Variants in TENM4 observed in about 807,000 individuals in gnomAD.
TENM4 encodes the protein teneurin-4.
In TENM4, 82 loss-of-function variants were observed where a neutral mutation model predicts 243.3. That is an observed-to-expected ratio of 0.34 (90% confidence interval 0.28 to 0.40). TENM4 has a LOEUF of 0.40. Among genes scored for constraint, TENM4 ranks in the 10% least tolerant of loss-of-function variants. TENM4 has a pLI of 1.00. For synonymous variants in TENM4, 1,412 were observed against 1,456.3 expected, an observed-to-expected ratio of 0.97 and a Z score of 0.69; for missense variants, 3,138 against 3,673.3, an observed-to-expected ratio of 0.85 and a Z score of 3.77.
chr11:78,992,820 C>A (rs1317977283), intron 6 of TENM4, among the ~76,000 whole-genome samples: 1 of 152,146 alleles, frequency 6.6e-6, no homozygotes, highest in Non-Finnish European at 1.5e-5. Flanking sequence ...TTGCCCTTTG[C>A]TTTTCTCATT....
chr11:79,385,908 C>CT, intron 1 of TENM4, among the ~76,000 whole-genome samples: 1 of 152,288 alleles, frequency 6.6e-6, no homozygotes, highest in Admixed American at 6.5e-5. Flanking sequence ...CCATTTGAGA[C>CT]TTTGAGTACC....
intron 2 of TENM4, among the ~76,000 whole-genome samples, chr11:79,265,013 C>A (rs1212835313): frequency 1.3e-5 from 2 of 152,170 alleles, no homozygotes; most frequent in Non-Finnish European, 2.9e-5. Context: ...AGGTGTTCAG[C>A]TGCCTGTAGA....
intron 15 of TENM4, among the ~76,000 whole-genome samples, chr11:78,797,523 G>C (rs189498729): frequency 1.3e-5 from 2 of 152,340 alleles, no homozygotes; most frequent in African/African-American, 4.8e-5. Flanking sequence ...TTCCAGGGCT[G>C]TCAGGGGAAA....
chr11:79,113,392 GGTGT>G (rs113144339), intron 4 of TENM4, among the ~76,000 whole-genome samples: 130 of 145,114 alleles, frequency 9.0e-4, no homozygotes, highest in East Asian at 4.3e-3. Flanking sequence ...CTATTGGATT[GGTGT>G]GTGTGTGTGT....
intron 9 of TENM4, among the ~76,000 whole-genome samples, chr11:78,871,078 T>G (rs946449616): frequency 3.3e-5 from 5 of 152,018 alleles, no homozygotes; most frequent in Non-Finnish European, 5.9e-5. Flanking sequence ...CCTCCCACAT[T>G]GTGCTGGTTC....
chr11:79,205,230 C>T (rs1863825424), intron 3 of TENM4, among the ~76,000 whole-genome samples: 1 of 152,050 alleles, frequency 6.6e-6, no homozygotes, highest in Non-Finnish European at 1.5e-5. Flanking sequence ...TACACTCTGC[C>T]CAGCTTCCCC....
At chr11:78,697,176 C>T (rs1204824562) in intron 28 of TENM4, among the ~76,000 whole-genome samples, 1 of 152,202 alleles carries the variant, frequency 6.6e-6, no homozygotes, top group African/African-American at 2.4e-5. Flanking sequence ...TGCCCAATTG[C>T]TACAGCCTCC....
At chr11:78,799,681 C>T (rs182183343) in intron 15 of TENM4, among the ~76,000 whole-genome samples, 6 of 152,336 alleles carry the variant, frequency 3.9e-5, no homozygotes, top group East Asian at 3.9e-4. Flanking sequence ...GCTGACTGCA[C>T]GTGTTACCTC....
intron 6 of TENM4, among the ~76,000 whole-genome samples, chr11:79,047,925 A>G (rs1859698997): frequency 6.6e-6 from 1 of 151,794 alleles, no homozygotes; most frequent in South Asian, 2.1e-4. Context: ...TAAATAAATA[A>G]TTATTGAAGA....
intron 18 of TENM4, among the ~76,000 whole-genome samples, chr11:78,761,159 T>A (rs146467744): frequency 1.8e-3 from 276 of 152,348 alleles, no homozygotes; most frequent in African/African-American, 6.4e-3. Context: ...GTTCTATGAT[T>A]CTGTTAATTC....
intron 6 of TENM4, among the ~76,000 whole-genome samples, chr11:78,956,017 C>T (rs995043862): frequency 6.6e-6 from 1 of 152,144 alleles, no homozygotes; most frequent in East Asian, 1.9e-4. Flanking sequence ...CTAGACAAAT[C>T]GCTTCATCTC....
chr11:78,945,076 C>T (rs2136469747), intron 6 of TENM4, among the ~76,000 whole-genome samples: 1 of 152,296 alleles, frequency 6.6e-6, no homozygotes, highest in South Asian at 2.1e-4. Flanking sequence ...AACTTCTGTT[C>T]ATAATCAAAA....
intron 1 of TENM4, among the ~76,000 whole-genome samples, chr11:79,310,109 C>T (rs969700746): frequency 5.3e-5 from 8 of 152,322 alleles, no homozygotes; most frequent in African/African-American, 1.9e-4. Flanking sequence ...CTGCCTTAGC[C>T]AGCTCAGTCT....
intron 3 of TENM4, among the ~76,000 whole-genome samples, chr11:79,157,158 G>A (rs902391467): frequency 2.6e-5 from 4 of 152,120 alleles, no homozygotes; most frequent in Non-Finnish European, 5.9e-5. Context: ...GCAGGACACA[G>A]AGCCCAGGAC....
intron 1 of TENM4, among the ~76,000 whole-genome samples, chr11:79,311,092 C>G (rs1359953691): frequency 6.6e-6 from 1 of 152,114 alleles, no homozygotes; most frequent in East Asian, 1.9e-4. Context: ...CAAGACGGGT[C>G]TTGGCGAATG....
chr11:79,065,740 C>T (rs1860228087), intron 5 of TENM4, among the ~76,000 whole-genome samples: 1 of 152,170 alleles, frequency 6.6e-6, no homozygotes, highest in South Asian at 2.1e-4. Context: ...CTGGCAGAGA[C>T]AGGTCTCTTG....
At position 78,914,749 on chromosome 11, in the gene TENM4, C is replaced by CA. The variant is rs951872245; in HGVS notation, c.494-11227dup. ...CTGCCACTGTGTCTTCCTTCTTTTT[C>CA]AGGTTCAACAACTTAACAATGTAAC... is the stretch of plus-strand genomic sequence containing the variant. On this transcript the variant is annotated intron_variant, in intron 6 of 33. Transcript: ENST00000278550. 5.3e-5 allele frequency among the ~76,000 whole-genome samples: 8 copies of CA among 152,328 alleles called. No homozygotes were observed. In the East Asian group the frequency reaches 7.7e-4, roughly 15 times the overall value.
chr11:78,958,443 G>A (rs1445287134), intron 6 of TENM4, among the ~76,000 whole-genome samples: 1 of 152,220 alleles, frequency 6.6e-6, no homozygotes, highest in Non-Finnish European at 1.5e-5. Context: ...ATATTTTAGT[G>A]AAATCTTTCT....
chr11:78,875,759 ATACT>A (rs1442088206), intron 9 of TENM4, among the ~76,000 whole-genome samples: 19 of 152,318 alleles, frequency 1.2e-4, no homozygotes, highest in Admixed American at 5.9e-4. Context: ...CACTTAACAA[ATACT>A]TACTGGATAA....
Sources: allele counts gnomAD v4.1 joint callset (sites outside exome capture counted in the v4.1 genomes callset), GRCh38; gene constraint gnomAD v4.1.1; transcripts MANE v1.5; gene names NCBI Gene and HGNC (gene_info 2026-07-23, HGNC 2026-07-21).